BTBD9: variants seen among roughly 807,000 people sequenced by gnomAD.
BTBD9 encodes BTB domain containing 9, also known as BTB/POZ domain-containing protein 9.
BTBD9 carries 49 observed loss-of-function variants against 64.3 expected under a neutral mutation model. That is an observed-to-expected ratio of 0.76 (90% CI 0.61 to 0.97). BTBD9 has a LOEUF of 0.97. Ranked by LOEUF, BTBD9 falls within the 50% of genes least tolerant of loss-of-function variation. The pLI is 0.00. For synonymous variants in BTBD9, 260 were observed against 274.7 expected (o/e 0.95, Z 0.53); for missense variants, 598 against 762.1 (o/e 0.78, Z 2.53).
At chr6:38,409,199 G>A (rs1361743198) in intron 6 of BTBD9, among the ~76,000 whole-genome samples, 1 of 152,130 alleles carries the variant, frequency 6.6e-6, no homozygotes, top group African/African-American at 2.4e-5. Flanking sequence ...GCAGTGAGCT[G>A]ACATCACATC....
At chr6:38,515,599 T>C (rs903588404) in intron 6 of BTBD9, among the ~76,000 whole-genome samples, 1 of 152,212 alleles carries the variant, frequency 6.6e-6, no homozygotes, top group Non-Finnish European at 1.5e-5. Flanking sequence ...TTTATTTCAA[T>C]ATCCTCTCTC....
At chr6:38,459,756 A>G (rs768055826) in intron 6 of BTBD9, among the ~76,000 whole-genome samples, 2 of 152,162 alleles carry the variant, frequency 1.3e-5, no homozygotes, top group Non-Finnish European at 2.9e-5. Flanking sequence ...TTATGTTCAT[A>G]ATTTGCTCAA....
intron 4 of BTBD9, among the ~76,000 whole-genome samples, chr6:38,590,348 AG>A (rs1316192625): frequency 6.6e-6 from 1 of 152,202 alleles, no homozygotes; most frequent in Non-Finnish European, 1.5e-5. Context: ...CAATGCTAGG[AG>A]ATATAAAAGG....
intron 1 of BTBD9, among the ~76,000 whole-genome samples, chr6:38,630,200 C>CAA (rs541759836): frequency 4.2e-4 from 25 of 59,224 alleles, no homozygotes; most frequent in African/African-American, 9.6e-4. Flanking sequence ...AATTCCGTCT[C>CAA]AAAAAAAAAA....
chr6:38,333,057 G>C (rs1763742256), intron 7 of BTBD9, among the ~76,000 whole-genome samples: 1 of 152,158 alleles, frequency 6.6e-6, no homozygotes, highest in African/African-American at 2.4e-5. Context: ...GGTCAGGGGT[G>C]GATGGTTCTT....
intron 6 of BTBD9, among the ~76,000 whole-genome samples, chr6:38,497,563 T>C (rs1772010358): frequency 6.6e-6 from 1 of 151,666 alleles, no homozygotes; most frequent in African/African-American, 2.4e-5. Flanking sequence ...CAGTTCATGA[T>C]ATGGAAAGAA....
At chr6:38,442,931 G>C (rs1769103734) in intron 6 of BTBD9, among the ~76,000 whole-genome samples, 1 of 152,002 alleles carries the variant, frequency 6.6e-6, no homozygotes, top group Non-Finnish European at 1.5e-5. Flanking sequence ...GCCTCCCAAA[G>C]TGCTGGGATT....
At position 38,609,443 on chromosome 6, in the gene BTBD9, T is replaced by G. The variant is rs191272196; in HGVS notation, c.-27-11322A>C. 1.6e-4 allele frequency among the ~76,000 whole-genome samples: 24 copies of G among 152,336 alleles called. No individual in the cohort carries two copies. In the East Asian group the frequency reaches 4.4e-3, roughly 28 times the overall value. On this transcript the variant is annotated intron_variant, in intron 1 of 10. Transcript: ENST00000481247. ...TATAAAACTATCAGCCTTTAATGTT[T>G]CAAATTTAATTTTACCACCAGACTT...
intron 7 of BTBD9, among the ~76,000 whole-genome samples, chr6:38,296,768 T>C (rs979532154): frequency 2.0e-5 from 3 of 152,190 alleles, no homozygotes; most frequent in South Asian, 2.1e-4. Context: ...ACCCACGAAT[T>C]ATTCAGAAGT....
intron 9 of BTBD9, among the ~76,000 whole-genome samples, chr6:38,248,541 G>A (rs960774044): frequency 1.1e-4 from 17 of 152,284 alleles, no homozygotes; most frequent in African/African-American, 4.1e-4. Context: ...AGGACAATAC[G>A]TGAGGGAGTA....
intron 9 of BTBD9, among the ~76,000 whole-genome samples, chr6:38,224,838 G>C (rs1763339130): frequency 6.6e-6 from 1 of 152,174 alleles, no homozygotes; most frequent in South Asian, 2.1e-4. Flanking sequence ...ATGTGTGTTA[G>C]GTAGTACTTA....
chr6:38,399,555 G>A (rs755392905), intron 6 of BTBD9, among the ~76,000 whole-genome samples: 8 of 152,098 alleles, frequency 5.3e-5, no homozygotes, highest in East Asian at 1.9e-4. Flanking sequence ...CCCCAGATGC[G>A]TTTGGTAATC....
intron 7 of BTBD9, among the ~76,000 whole-genome samples, chr6:38,333,556 G>A (rs1474396536): frequency 1.3e-5 from 2 of 152,126 alleles, no homozygotes; most frequent in African/African-American, 4.8e-5. Flanking sequence ...TCATGATACA[G>A]TTCTCACAAG....
intron 7 of BTBD9, among the ~76,000 whole-genome samples, chr6:38,328,226 G>A (rs907188286): frequency 6.6e-5 from 10 of 152,022 alleles, no homozygotes; most frequent in East Asian, 3.8e-4. Context: ...ACAATTTTAC[G>A]CACTATTATG....
chr6:38,298,984 C>T (rs1359463308), intron 7 of BTBD9, among the ~76,000 whole-genome samples: 1 of 151,880 alleles, frequency 6.6e-6, no homozygotes, highest in Non-Finnish European at 1.5e-5. Context: ...TTAGGTATAC[C>T]TCCGAATGCT....
intron 6 of BTBD9, among the ~76,000 whole-genome samples, chr6:38,535,011 C>T (rs1773960523): frequency 6.6e-6 from 1 of 151,962 alleles, no homozygotes. Flanking sequence ...TAGTGGAAAC[C>T]CTAGCCAGAG....
rs1321004325 is a variant in BTBD9 at position 38,348,673 on chromosome 6, T to G, written c.1155-3580A>C. Among the ~76,000 whole-genome samples the G allele has an allele frequency of 2.0e-5, 3 of 152,192 alleles. No individual in the cohort carries two copies. In the South Asian group the frequency reaches 6.2e-4, roughly 32 times the overall value. ...CAAGTAGCTGACAAAGACTGGATAC[T>G]GAACATAGTTCAGTACACAATGTTT... On this transcript the variant is annotated intron_variant, in intron 6 of 10. Coordinates refer to ENST00000481247, the MANE Select transcript of BTBD9 (RefSeq NM_001099272.2).
chr6:38,407,229 A>T (rs566949175), intron 6 of BTBD9, among the ~76,000 whole-genome samples: 1 of 152,384 alleles, frequency 6.6e-6, no homozygotes, highest in African/African-American at 2.4e-5. Context: ...TCTGTTGATC[A>T]CATATAAAAT....
chr6:38,262,671 A>C (rs1764834443), intron 8 of BTBD9, among the ~76,000 whole-genome samples: 1 of 152,186 alleles, frequency 6.6e-6, no homozygotes, highest in Non-Finnish European at 1.5e-5. Flanking sequence ...GAAGTGACTC[A>C]ATGCAAACCC....
Sources: gnomAD v4.1 joint callset for allele counts (sites outside exome capture counted in the v4.1 genomes callset) on GRCh38, gnomAD v4.1.1 for gene constraint, MANE v1.5 for transcripts, NCBI Gene and HGNC (gene_info 2026-07-23, HGNC 2026-07-21) for gene names.